The following SCFD2 variants were observed in gnomAD, a reference collection of about 807,000 sequenced individuals.
SCFD2 encodes the protein sec1 family domain containing 2, also known as sec1 family domain-containing protein 2.
A neutral mutation model predicts 58.9 loss-of-function variants in SCFD2; 54 were observed. The ratio of observed to expected loss-of-function variants is 0.92; its 90% CI spans 0.74 to 1.15. SCFD2 has a LOEUF of 1.15. Among genes scored for constraint, SCFD2 ranks in the 50% most tolerant of loss-of-function variants. SCFD2 has a pLI of 0.00. For missense variants in SCFD2, 805 were observed against 836.6 expected (o/e 0.96, Z 0.47); for synonymous variants, 321 against 335.9 (o/e 0.96, Z 0.49).
intron 5 of SCFD2, among the ~76,000 whole-genome samples, chr4:53,138,271 A>G (rs1716941992): frequency 6.6e-6 from 1 of 152,158 alleles, no homozygotes; most frequent in African/African-American, 2.4e-5. Context: ...GCCCACTAAC[A>G]CTCACTGCTG....
chr4:53,021,024 A>G (rs1405813857), intron 5 of SCFD2, among the ~76,000 whole-genome samples: 7 of 152,208 alleles, frequency 4.6e-5, no homozygotes, highest in Non-Finnish European at 8.8e-5. Context: ...GAAGTGGTAG[A>G]TATTTTAAAA....
intron 1 of SCFD2, among the ~76,000 whole-genome samples, chr4:53,354,027 GA>G (rs1387937096): frequency 6.6e-6 from 1 of 152,262 alleles, no homozygotes; most frequent in Non-Finnish European, 1.5e-5. Context: ...TCGCCTAGTG[GA>G]TCACGCGCCA....
At chr4:53,051,263 A>G (rs1040980287) in intron 5 of SCFD2, among the ~76,000 whole-genome samples, 3 of 152,030 alleles carry the variant, frequency 2.0e-5, no homozygotes, top group Non-Finnish European at 4.4e-5. Flanking sequence ...GATCCCTTAA[A>G]TTTTCTTCTT....
intron 4 of SCFD2, among the ~76,000 whole-genome samples, chr4:53,258,747 G>A (rs534856445): frequency 2.0e-4 from 30 of 151,900 alleles, no homozygotes; most frequent in African/African-American, 7.0e-4. Context: ...ATACCTAGTA[G>A]TGGGATTGCT....
At chr4:53,347,093 G>A (rs1734079455) in intron 2 of SCFD2, among the ~76,000 whole-genome samples, 1 of 152,158 alleles carries the variant, frequency 6.6e-6, no homozygotes, top group African/African-American at 2.4e-5. Context: ...AGTGTAAGAG[G>A]TAGCTAATGT....
At chr4:53,307,384 G>C (rs1053246084) in intron 3 of SCFD2, among the ~76,000 whole-genome samples, 4 of 152,196 alleles carry the variant, frequency 2.6e-5, no homozygotes, top group Non-Finnish European at 4.4e-5. Context: ...ATCTGAGCTT[G>C]TAGCTCTGTA....
chr4:52,883,052 T>C (rs1718656195), intron 8 of SCFD2, among the ~76,000 whole-genome samples: 1 of 152,200 alleles, frequency 6.6e-6, no homozygotes, highest in Admixed American at 6.5e-5. Context: ...TGGGTATAGA[T>C]TCCATAGAAC....
At chr4:53,184,183 AACATAACC>A (rs1451361670) in intron 4 of SCFD2, among the ~76,000 whole-genome samples, 1 of 152,134 alleles carries the variant, frequency 6.6e-6, no homozygotes, top group Non-Finnish European at 1.5e-5. Context: ...ATCATTTAGT[AACATAACC>A]ACCCGTTTAG....
chr4:53,057,928 G>A (rs1187985527), intron 5 of SCFD2, among the ~76,000 whole-genome samples: 1 of 152,098 alleles, frequency 6.6e-6, no homozygotes, highest in Non-Finnish European at 1.5e-5. Flanking sequence ...CTTGATGCCA[G>A]CTTACAAGAG....
At chr4:53,342,386 T>A (rs1733909177) in intron 2 of SCFD2, among the ~76,000 whole-genome samples, 1 of 152,084 alleles carries the variant, frequency 6.6e-6, no homozygotes, top group African/African-American at 2.4e-5. Context: ...GATAAAGGGA[T>A]CAATGCAACA....
At chr4:52,960,326 GCTGC>G (rs1720815189) in intron 5 of SCFD2, among the ~76,000 whole-genome samples, 1 of 151,254 alleles carries the variant, frequency 6.6e-6, no homozygotes, top group South Asian at 2.1e-4. Context: ...AGGCCCATGG[GCTGC>G]CTGCTGATGT....
At chr4:53,309,479 T>G (rs1298364584) in intron 3 of SCFD2, among the ~76,000 whole-genome samples, 1 of 152,136 alleles carries the variant, frequency 6.6e-6, no homozygotes, top group African/African-American at 2.4e-5. Context: ...CATAAAAGTG[T>G]GACCACAGAG....
At chr4:53,266,751 T>C (rs1730994800) in intron 4 of SCFD2, among the ~76,000 whole-genome samples, 1 of 152,246 alleles carries the variant, frequency 6.6e-6, no homozygotes, top group South Asian at 2.1e-4. Context: ...CTAGCACAGA[T>C]GTATTCAATG....
At chr4:53,319,705 T>C (rs907822680) in intron 2 of SCFD2, among the ~76,000 whole-genome samples, 1 of 152,152 alleles carries the variant, frequency 6.6e-6, no homozygotes, top group Non-Finnish European at 1.5e-5. Context: ...TTAATTTTTG[T>C]ATTTTTAGTA....
At chr4:53,044,535 T>C (rs1382177931) in intron 5 of SCFD2, among the ~76,000 whole-genome samples, 1 of 151,528 alleles carries the variant, frequency 6.6e-6, no homozygotes, top group Non-Finnish European at 1.5e-5. Context: ...CCTCTCTCCC[T>C]TTCTCCTTCT....
intron 4 of SCFD2, among the ~76,000 whole-genome samples, chr4:53,249,055 G>GA (rs1730241103): frequency 6.6e-6 from 1 of 151,986 alleles, no homozygotes; most frequent in Non-Finnish European, 1.5e-5. Flanking sequence ...TAAAAACTTT[G>GA]AAAAAAATTT....
intron 5 of SCFD2, among the ~76,000 whole-genome samples, chr4:52,971,317 C>T (rs2109552332): frequency 6.6e-6 from 1 of 152,190 alleles, no homozygotes; most frequent in African/African-American, 2.4e-5. Flanking sequence ...CAGAGAAGTC[C>T]TTAAAGGACC....
At chr4:53,104,309 C>A (rs1031666379) in intron 5 of SCFD2, among the ~76,000 whole-genome samples, 1 of 152,094 alleles carries the variant, frequency 6.6e-6, no homozygotes, top group South Asian at 2.1e-4. Context: ...TCTTTCTCCC[C>A]AAAATTTATA....
chr4:52,905,456 A>C (rs1719321645), intron 7 of SCFD2, among the ~76,000 whole-genome samples: 1 of 152,134 alleles, frequency 6.6e-6, no homozygotes, highest in African/African-American at 2.4e-5. Context: ...AGCCCACCAG[A>C]ACTCTCCCCC....
Sources: gnomAD v4.1 joint callset for allele counts (sites outside exome capture counted in the v4.1 genomes callset) on GRCh38, gnomAD v4.1.1 for gene constraint, MANE v1.5 for transcripts, NCBI Gene and HGNC (gene_info 2026-07-23, HGNC 2026-07-21) for gene names.